Variants in CEP162 observed in about 807,000 individuals in gnomAD.
The protein encoded by CEP162 is centrosomal protein of 162 kDa.
Under a neutral mutation model 169.2 loss-of-function variants are expected in CEP162, and 141 were observed. The observed-to-expected ratio is 0.83, with a 90% CI of 0.73 to 0.96. The LOEUF is 0.96. Among genes scored for constraint, CEP162 ranks in the 40% least tolerant of loss-of-function variants. The pLI is 0.00. For missense variants in CEP162, 1,600 were observed against 1,587.2 expected, an observed-to-expected ratio of 1.01 and a Z score of -0.14; for synonymous variants, 540 against 526.4, an observed-to-expected ratio of 1.03 and a Z score of -0.35.
rs528487599 is a variant in CEP162 at position 84,171,542 on chromosome 6, A to G, written c.2279+64T>C. On this transcript the variant is annotated intron_variant, in intron 17 of 26. Transcript: ENST00000403245. ...AAGTAAAAATAAATGTATTATTAAC[A>G]TAATAAGAAAATGCTTGAAATAGTC... 1.7e-5 allele frequency: 10 copies of G among 579,664 alleles called. No individual in the cohort carries two copies. In the East Asian group the frequency reaches 3.0e-4, roughly 18 times the overall value. 35.9% of individuals were successfully genotyped at this position (579,664 alleles called of 1,614,324 possible).
At chr6:84,199,192 T>A (rs2099543398) in intron 9 of CEP162, among the ~76,000 whole-genome samples, 1 of 152,132 alleles carries the variant, frequency 6.6e-6, no homozygotes, top group Admixed American at 6.5e-5. Flanking sequence ...CACGGTTCCT[T>A]AAATCAACAG....
chr6:84,196,306 T>C (rs1377760378), intron 9 of CEP162, among the ~76,000 whole-genome samples: 2 of 152,178 alleles, frequency 1.3e-5, no homozygotes, highest in Non-Finnish European at 2.9e-5. Context: ...TCCATGTAAA[T>C]GTGGCTTGCT....
intron 24 of CEP162, among the ~76,000 whole-genome samples, chr6:84,148,516 AAC>A (rs2099519924): frequency 6.6e-6 from 1 of 152,176 alleles, no homozygotes; most frequent in African/African-American, 2.4e-5. Flanking sequence ...GTCTCAAAGA[AAC>A]AAAACCTTCA....
chr6:84,213,047 T>A (rs2099550130), intron 5 of CEP162, 23 bp from the exon 6 acceptor site: 3 of 1,419,338 alleles, frequency 2.1e-6, no homozygotes, highest in Non-Finnish European at 1.9e-6. Context: ...TTTATTTAAT[T>A]TAGCATTACA....
rs1314608528 is a variant in CEP162 at position 84,158,238 on chromosome 6, T to G, written c.2781+2574A>C. Among the ~76,000 whole-genome samples, 10 of 152,220 alleles carry G rather than the reference T, an allele frequency of 6.6e-5. 1 individual carries two copies. The South Asian group carries it at 1.7e-3, about 25-fold the overall frequency. ...GTGTCAGTTAAGAGCATATTTGGGT[T>G]AGACTGTGCCACCAGCTTTAGGACC... On this transcript the variant is annotated intron_variant, in intron 21 of 26. Transcript: ENST00000403245.
rs769191604 is a variant in CEP162 at position 84,155,379 on chromosome 6, CT to C, written c.2912del (p.Lys971SerfsTer2). 3.1e-6 allele frequency: 5 copies of C among 1,613,454 alleles called. No homozygotes were observed. In the African/African-American group the frequency reaches 4.0e-5, roughly 13 times the overall value. ...TVEFMEKRIK[K>X]LEADLEGKDE... ...CTTTGCCCTCCAGATCAGCTTCTAGCTTTTTTATCCTTTTCTCCATAAATTC... is the reference window on the plus strand; with the variant it reads ...CTTTGCCCTCCAGATCAGCTTCTAGCTTTTTATCCTTTTCTCCATAAATTC... On this transcript the variant is annotated frameshift_variant, in exon 22 of 27. Transcript: ENST00000403245. LOFTEE classifies it high-confidence loss of function.
At chr6:84,139,687 A>G (rs1416637393) in intron 25 of CEP162, among the ~76,000 whole-genome samples, 2 of 152,214 alleles carry the variant, frequency 1.3e-5, no homozygotes, top group Non-Finnish European at 2.9e-5. Flanking sequence ...CAAGAAAGGA[A>G]GGTAAAATTT....
intron 25 of CEP162, among the ~76,000 whole-genome samples, chr6:84,138,797 C>A (rs1377879616): frequency 1.3e-5 from 2 of 152,124 alleles, no homozygotes; most frequent in Non-Finnish European, 2.9e-5. Flanking sequence ...TCACTAAAAA[C>A]TTTACTTCAG....
intron 21 of CEP162, among the ~76,000 whole-genome samples, chr6:84,158,970 T>TA (rs1331589614): frequency 6.6e-6 from 1 of 151,478 alleles, no homozygotes; most frequent in African/African-American, 2.4e-5. Flanking sequence ...TTCCATTAAA[T>TA]AAAAAAAGCA....
chr6:84,208,623 C>T (rs1324331148), intron 6 of CEP162, among the ~76,000 whole-genome samples: 2 of 152,150 alleles, frequency 1.3e-5, no homozygotes, highest in Non-Finnish European at 2.9e-5. Context: ...GAAACATCTA[C>T]ATTTTAGTTC....
intron 25 of CEP162, among the ~76,000 whole-genome samples, chr6:84,140,205 G>A (rs1340620503): frequency 6.6e-6 from 1 of 152,194 alleles, no homozygotes; most frequent in Non-Finnish European, 1.5e-5. Flanking sequence ...CAGCTCAGGG[G>A]AGTTTGTCTT....
At chr6:84,195,622 A>T (rs536291820) in intron 9 of CEP162, among the ~76,000 whole-genome samples, 2 of 152,276 alleles carry the variant, frequency 1.3e-5, no homozygotes, top group South Asian at 2.1e-4. Flanking sequence ...TTTTCACTTT[A>T]TCTTAGCCAA....
chr6:84,142,753 G>A (rs1399927244), intron 25 of CEP162, among the ~76,000 whole-genome samples: 1 of 152,064 alleles, frequency 6.6e-6, no homozygotes, highest in Non-Finnish European at 1.5e-5. Context: ...TAAAGACCTA[G>A]GAGTTCATCC....
intron 18 of CEP162, among the ~76,000 whole-genome samples, chr6:84,167,782 A>G (rs1297539018): frequency 1.3e-5 from 2 of 152,138 alleles, no homozygotes; most frequent in African/African-American, 4.8e-5. Context: ...TGTGCAGAGG[A>G]GACTTTTTAC....
intron 25 of CEP162, among the ~76,000 whole-genome samples, chr6:84,131,952 T>C (rs888056320): frequency 1.3e-5 from 2 of 152,222 alleles, no homozygotes; most frequent in African/African-American, 4.8e-5. Flanking sequence ...GTCTTTACAA[T>C]TTGGCATGTT....
At chr6:84,152,302 C>T (rs529046067) in intron 23 of CEP162, among the ~76,000 whole-genome samples, 8 of 152,232 alleles carry the variant, frequency 5.3e-5, no homozygotes, top group East Asian at 1.9e-4. Context: ...GCAAGACTGG[C>T]GAGCCCAAGG....
At chr6:84,126,632 T>C (rs908348063) in intron 25 of CEP162, 120 bp from the exon 26 acceptor site, 2 of 630,282 alleles carry the variant, frequency 3.2e-6, no homozygotes, top group East Asian at 6.1e-5. Context: ...CTTGGATTGT[T>C]AGAGTAATTA....
intron 9 of CEP162, among the ~76,000 whole-genome samples, chr6:84,198,162 T>G (rs1481088334): frequency 2.0e-5 from 3 of 152,228 alleles, no homozygotes; most frequent in Admixed American, 2.0e-4. Context: ...GTTAACTGCT[T>G]AATACATGAA....
At chr6:84,199,486 C>A (rs2127730445) in intron 9 of CEP162, among the ~76,000 whole-genome samples, 1 of 149,366 alleles carries the variant, frequency 6.7e-6, no homozygotes, top group South Asian at 2.1e-4. Context: ...TTTCAAAATT[C>A]ATTGAGTTGC....
Sources: allele counts gnomAD v4.1 joint callset (sites outside exome capture counted in the v4.1 genomes callset), GRCh38; gene constraint gnomAD v4.1.1; transcripts MANE v1.5; gene names NCBI Gene and HGNC (gene_info 2026-07-23, HGNC 2026-07-21).